POLE2: variants seen among roughly 807,000 people sequenced by gnomAD.
The protein encoded by POLE2 is DNA polymerase epsilon subunit 2.
Under a neutral mutation model 79.4 loss-of-function variants are expected in POLE2, and 56 were observed. The observed-to-expected ratio is 0.71, with a 90% CI of 0.57 to 0.88. The LOEUF is 0.88. Ranked by LOEUF, POLE2 falls within the 40% of genes least tolerant of loss-of-function variation. POLE2 has a pLI of 0.00. For missense variants in POLE2, 598 were observed against 638.9 expected, an observed-to-expected ratio of 0.94 and a Z score of 0.69; for synonymous variants, 212 against 214.0, an observed-to-expected ratio of 0.99 and a Z score of 0.08.
chr14:49,658,557 A>C (rs1884878247), intron 10 of POLE2, among the ~76,000 whole-genome samples: 1 of 152,212 alleles, frequency 6.6e-6, no homozygotes. Context: ...CAAATCTGTA[A>C]ATTAATGAGG....
intron 3 of POLE2, among the ~76,000 whole-genome samples, chr14:49,676,022 G>T (rs1233333470): frequency 1.3e-5 from 2 of 152,190 alleles, no homozygotes; most frequent in African/African-American, 4.8e-5. Context: ...AAAGTGCTGG[G>T]ATTACAGGCC....
chr14:49,665,909 C>A (rs1283278851), intron 7 of POLE2, among the ~76,000 whole-genome samples: 1 of 152,186 alleles, frequency 6.6e-6, no homozygotes, highest in East Asian at 1.9e-4. Flanking sequence ...TCACTACAAC[C>A]TCCACCTCCC....
chr14:49,678,517 A>T lies in POLE2; in HGVS notation c.245+1208T>A, dbSNP rs1886470923. Among the ~76,000 whole-genome samples the T allele has an allele frequency of 3.9e-5, 6 of 152,316 alleles. No individual in the cohort carries two copies. In the South Asian group the frequency reaches 1.2e-3, roughly 32 times the overall value. The stretch of plus-strand genomic sequence containing the variant: ...GTGAATGCAGATTGGTGTGGGGGAA[A>T]ATAAGTAAATAAATAAATAACAGGT... On this transcript the variant is annotated intron_variant, in intron 3 of 18. Transcript: ENST00000216367.
At chr14:49,658,892 TCTA>T (rs1884901780) in intron 10 of POLE2, among the ~76,000 whole-genome samples, 6 of 152,180 alleles carry the variant, frequency 3.9e-5, no homozygotes, top group Admixed American at 3.3e-4. Context: ...GTGTAGTCCT[TCTA>T]CTTTTTTTTT....
At chr14:49,670,760 A>AT (rs1245566679) in intron 5 of POLE2, among the ~76,000 whole-genome samples, 3 of 152,154 alleles carry the variant, frequency 2.0e-5, no homozygotes, top group Non-Finnish European at 4.4e-5. Context: ...AGTAAAATCA[A>AT]TTTTTTAAAA....
chr14:49,687,300 C>CCACACACACACACACACA (rs60811856), intron 1 of POLE2, among the ~76,000 whole-genome samples: 1 of 139,744 alleles, frequency 7.2e-6, no homozygotes, highest in Non-Finnish European at 1.5e-5. Flanking sequence ...TACACACACA[C>CCACACACACACACACACA]CACACACACA....
chr14:49,654,903 A>T, intron 12 of POLE2, 65 bp from the exon 13 acceptor site: 11 of 1,441,754 alleles, frequency 7.6e-6, no homozygotes, highest in Non-Finnish European at 1.0e-5. Flanking sequence ...ATTTGATTAG[A>T]TACAATCCTG....
intron 17 of POLE2, among the ~76,000 whole-genome samples, chr14:49,647,927 GAC>G (rs1301008953): frequency 2.6e-5 from 4 of 152,184 alleles, no homozygotes; most frequent in African/African-American, 9.7e-5. Flanking sequence ...GAGTTGGCTA[GAC>G]AGTCTTAATG....
At chr14:49,680,504 A>C (rs1886626473) in intron 2 of POLE2, among the ~76,000 whole-genome samples, 3 of 152,214 alleles carry the variant, frequency 2.0e-5, no homozygotes, top group Non-Finnish European at 4.4e-5. Context: ...CACCATCCTC[A>C]GTACTTTATT....
intron 10 of POLE2, among the ~76,000 whole-genome samples, chr14:49,661,835 C>G (rs1193042017): frequency 6.6e-6 from 1 of 152,026 alleles, no homozygotes; most frequent in Non-Finnish European, 1.5e-5. Flanking sequence ...CACCTCATAC[C>G]AATCCTTTGG....
At chr14:49,649,487 T>A (rs1310700756) in intron 17 of POLE2, among the ~76,000 whole-genome samples, 1 of 129,084 alleles carries the variant, frequency 7.7e-6, no homozygotes, top group Admixed American at 7.8e-5. Context: ...TCTCGCTCTG[T>A]CGCCCAGGCT....
At chr14:49,677,994 ATTTATTTTATTTTT>A (rs1391740390) in intron 3 of POLE2, 13 of 169,032 alleles carry the variant, frequency 7.7e-5, no homozygotes, top group Admixed American at 5.3e-4. Context: ...ATTTTATTTT[ATTTATTTTATTTTT>A]TTTTTTTTGA....
At chr14:49,687,335 C>T (rs1312433465) in intron 1 of POLE2, among the ~76,000 whole-genome samples, 2 of 148,994 alleles carry the variant, frequency 1.3e-5, no homozygotes, top group Non-Finnish European at 3.0e-5. Context: ...CACACACACA[C>T]ACGTACATAT....
rs186083288 is a variant in POLE2 at position 49,677,082 on chromosome 14, G to C, written c.245+2643C>G. 7.4e-4 allele frequency among the ~76,000 whole-genome samples: 112 copies of C among 152,366 alleles called. 2 individuals carry two copies. The East Asian group carries it at 0.019, about 26-fold the overall frequency. ...GGGGGAGAGTGGGTTCAGCCATGTG[G>C]ACCTAGTGGAGGGGTTACAGGATGG... is the stretch of plus-strand genomic sequence containing the variant. On this transcript the variant is annotated intron_variant, in intron 3 of 18. Coordinates refer to ENST00000216367, the MANE Select transcript of POLE2 (RefSeq NM_002692.4).
At chr14:49,661,933 C>A (rs949545047) in intron 10 of POLE2, among the ~76,000 whole-genome samples, 3 of 152,132 alleles carry the variant, frequency 2.0e-5, no homozygotes, top group African/African-American at 7.2e-5. Context: ...ATAATGATCT[C>A]TTGGCTAAAG....
chr14:49,650,647 G>A (rs1479158654), intron 16 of POLE2, among the ~76,000 whole-genome samples: 1 of 152,126 alleles, frequency 6.6e-6, no homozygotes, highest in African/African-American at 2.4e-5. Flanking sequence ...AAATCTATGA[G>A]TTTTCATTTA....
chr14:49,667,143 G>T (rs547129435), intron 6 of POLE2, among the ~76,000 whole-genome samples: 1 of 151,468 alleles, frequency 6.6e-6, no homozygotes, highest in East Asian at 1.9e-4. Context: ...AGCCGAGATC[G>T]CCTTGCATTC....
At chr14:49,663,783 C>T (rs1197187265) in intron 9 of POLE2, among the ~76,000 whole-genome samples, 1 of 152,052 alleles carries the variant, frequency 6.6e-6, no homozygotes, top group Non-Finnish European at 1.5e-5. Context: ...AATCCCAGCA[C>T]TTTGGGAGGC....
At chr14:49,663,190 T>C (rs1010516802) in intron 10 of POLE2, 125 bp downstream of exon 10, 16 of 443,468 alleles carry the variant, frequency 3.6e-5, no homozygotes, top group Admixed American at 2.4e-4. Flanking sequence ...TCATTTTCCA[T>C]TGCTTTTTCC....
Sources: allele counts gnomAD v4.1 joint callset (sites outside exome capture counted in the v4.1 genomes callset), GRCh38; gene constraint gnomAD v4.1.1; transcripts MANE v1.5; gene names NCBI Gene and HGNC (gene_info 2026-07-23, HGNC 2026-07-21).